RILPL1: variants seen among roughly 807,000 people sequenced by gnomAD.
RILPL1 encodes RILP-like protein 1.
RILPL1 carries 33 observed loss-of-function variants against 50.3 expected under a neutral mutation model. The observed-to-expected ratio is 0.66, with a 90% CI of 0.50 to 0.88. The LOEUF (loss-of-function observed/expected upper bound fraction) is 0.88, where lower values mean the gene tolerates loss of function less well. Among genes scored for constraint, RILPL1 ranks in the 40% least tolerant of loss-of-function variants. RILPL1 has a pLI of 0.00. For synonymous variants in RILPL1, 205 were observed against 228.6 expected, an observed-to-expected ratio of 0.90 and a Z score of 0.93; for missense variants, 418 against 542.5, an observed-to-expected ratio of 0.77 and a Z score of 2.28.
intron 5 of RILPL1, 25 bp from the exon 6 acceptor site, chr12:123,484,297 A>G (rs751682338): frequency 6.8e-7 from 1 of 1,470,666 alleles, no homozygotes; most frequent in Non-Finnish European, 9.5e-7. Context: ...GAGGCGTGAG[A>G]TAAAAGAGTC....
chr12:123,492,426 G>C, intron 4 of RILPL1, among the ~76,000 whole-genome samples: 2 of 152,276 alleles, frequency 1.3e-5, no homozygotes, highest in Admixed American at 1.3e-4. Flanking sequence ...AGGGGCTGGG[G>C]AAGGGAGGAG....
chr12:123,533,050 C>T lies in RILPL1; in HGVS notation c.309+124G>A, dbSNP rs1322904719. On this transcript the variant is annotated intron_variant, in intron 1 of 6. Transcript: ENST00000376874. This position sits in a 1 kb window ranked among gnomAD's most constrained non-coding sequence, Gnocchi z 6.2. ...CCAGGGCCTCCCTCCCTCCCCACGT[C>T]GGGTCTCCTCTGGTCCGGTCCCTGA... 23 of 1,048,372 alleles carry T rather than the reference C, an allele frequency of 2.2e-5. No individual in the cohort carries two copies. The highest frequency in any genetic ancestry group is 3.4e-5 in the South Asian group (2 of 58,490). The allele number at this position is 1,048,372 out of a possible 1,614,324, so 64.9% of individuals were successfully genotyped here.
Position 123,485,052 on chromosome 12 carries a change from T to G in RILPL1, c.974+581A>C. ...TTTATGCATCTCTTATCTTCCCCAC[T>G]GGAGCAGGGACCACCTCTGGTGCAT... On this transcript the variant is annotated intron_variant, in intron 5 of 6. Coordinates refer to ENST00000376874, the MANE Select transcript of RILPL1 (RefSeq NM_178314.5). The surrounding 1 kb of genome is among the most constrained non-coding windows in gnomAD (Gnocchi z 4.0). 1 of 435,214 alleles carries G rather than the reference T, an allele frequency of 2.3e-6. No homozygotes were observed. Among genetic ancestry groups the G allele is most frequent in the East Asian group, 7.2e-5 (1 of 13,934 alleles). 27.0% of individuals were successfully genotyped at this position (435,214 alleles called of 1,614,324 possible).
intron 6 of RILPL1, among the ~76,000 whole-genome samples, chr12:123,479,400 C>G (rs1374872706): frequency 6.6e-6 from 1 of 152,062 alleles, no homozygotes; most frequent in African/African-American, 2.4e-5. Context: ...CTGAGCAGAC[C>G]GCATGGCTAA....
chr12:123,511,769 T>TTG (rs1245413492), intron 2 of RILPL1, among the ~76,000 whole-genome samples: 1 of 73,774 alleles, frequency 1.4e-5, no homozygotes, highest in South Asian at 5.1e-4. Context: ...TGTGTGAGGT[T>TTG]TGTGTGTGTG....
rs192872068 is a variant in RILPL1, at chr12:123,491,518, C to T, written c.802-5713G>A. 7.2e-5 allele frequency among the ~76,000 whole-genome samples: 11 copies of T among 152,188 alleles called. No individual in the cohort carries two copies. The highest frequency in any genetic ancestry group is 2.7e-4 in the African/African-American group (11 of 41,456). On this transcript the variant is annotated intron_variant, in intron 4 of 6. Transcript: ENST00000376874. This position sits in a 1 kb window ranked among gnomAD's most constrained non-coding sequence, Gnocchi z 4.0. ...CTCAAAGCACCCTGCCCTCCCACGG[C>T]AGCCCCTTCACAGTACTTCTCAGCA...
Position 123,533,307 on chromosome 12 carries a change from C to T in RILPL1, c.176G>A (p.Arg59His), listed in dbSNP as rs917278354. 6 of 1,583,524 alleles carry T rather than the reference C, an allele frequency of 3.8e-6. No individual in the cohort carries two copies. In the African/African-American group the frequency reaches 4.0e-5, roughly 11 times the overall value. The change falls in exon 1 of 7, where the codon CGC (arginine) becomes CAC (histidine). Residue 59 changes from arginine (R) to histidine (H), a missense_variant. Coordinates refer to ENST00000376874, the MANE Select transcript of RILPL1 (RefSeq NM_178314.5). This position sits in a 1 kb window ranked among gnomAD's most constrained non-coding sequence, Gnocchi z 6.2. ...CAGCACCTCCAGGATCTCCAGGACG[C>T]GCACGACCTTGGGCATGAGGCGCGC... ...AIARLMPKVV[R>H]VLEILEVLVS... is the part of the protein sequence containing the mutation.
chr12:123,519,115 G>T (rs1255844906), intron 2 of RILPL1, among the ~76,000 whole-genome samples: 2 of 147,222 alleles, frequency 1.4e-5, no homozygotes, highest in African/African-American at 5.0e-5. Context: ...TTACTTTTTT[G>T]AATGTGCCAA....
intron 2 of RILPL1, among the ~76,000 whole-genome samples, chr12:123,512,208 C>G (rs1301420891): frequency 1.4e-3 from 80 of 56,028 alleles, no homozygotes; most frequent in Middle Eastern, 0.018. Context: ...TGTGGTGTGT[C>G]TGAGGTCTGT....
At chr12:123,531,012 A>G (rs1208822310) in intron 1 of RILPL1, among the ~76,000 whole-genome samples, 2 of 98,236 alleles carry the variant, frequency 2.0e-5, no homozygotes, top group Non-Finnish European at 4.8e-5. Flanking sequence ...GTAGGGAAGA[A>G]GAGGGGAAAG....
chr12:123,509,950 A>C (rs1883982850), intron 2 of RILPL1, among the ~76,000 whole-genome samples: 1 of 152,238 alleles, frequency 6.6e-6, no homozygotes, highest in African/African-American at 2.4e-5. Context: ...GAGGACAGCC[A>C]GTCCCTGGAG....
chr12:123,523,465 C>A, intron 2 of RILPL1, 30 bp downstream of exon 2: 2 of 1,613,230 alleles, frequency 1.2e-6, no homozygotes, highest in South Asian at 2.2e-5. Flanking sequence ...AATGGCCGGC[C>A]CCCTTGCATT....
intron 1 of RILPL1, among the ~76,000 whole-genome samples, chr12:123,531,248 G>A (rs1199111100): frequency 6.6e-6 from 1 of 152,100 alleles, no homozygotes; most frequent in Non-Finnish European, 1.5e-5. Context: ...AACAAGCCCT[G>A]GCCCTGAGCG....
rs760006814 is a variant in RILPL1, at chr12:123,533,522, G to A, written c.-40C>T. ...CCTGTCCCCCGCCCCGCAAACTCGT[G>A]CAACTCCCAAACTTGCCGCTGTCGA... On this transcript the variant is annotated 5_prime_UTR_variant, in exon 1 of 7. Coordinates refer to ENST00000376874, the MANE Select transcript of RILPL1 (RefSeq NM_178314.5). The surrounding 1 kb of genome is among the most constrained non-coding windows in gnomAD (Gnocchi z 6.2). The A allele has an allele frequency of 2.1e-6, 3 of 1,449,652 alleles. No homozygotes were observed. Among genetic ancestry groups the A allele is most frequent in the Non-Finnish European group, 2.7e-6 (3 of 1,094,356 alleles). 89.8% of individuals were successfully genotyped at this position (1,449,652 alleles called of 1,614,324 possible).
chr12:123,517,475 C>A (rs1884774275), intron 2 of RILPL1, among the ~76,000 whole-genome samples: 1 of 149,786 alleles, frequency 6.7e-6, no homozygotes, highest in African/African-American at 2.5e-5. Flanking sequence ...GGCTGGAGCG[C>A]AGCGGTGGCA....
In RILPL1 at chr12:123,533,315, C is replaced by G. The variant is rs1248690019; in HGVS notation, c.168G>C (p.Lys56Asn). The change falls in exon 1 of 7, where the codon AAG (lysine) becomes AAC (asparagine). Residue 56 changes from lysine to asparagine, a missense_variant. By Grantham distance (94) the Lys-to-Asn change is moderately conservative. Coordinates refer to ENST00000376874, the MANE Select transcript of RILPL1 (RefSeq NM_178314.5). This position sits in a 1 kb window ranked among gnomAD's most constrained non-coding sequence, Gnocchi z 6.2. ...GCEAIARLMP[K>N]VVRVLEILEV... ...CCAGGATCTCCAGGACGCGCACGACCTTGGGCATGAGGCGCGCGATGGCCT... is the reference window on the plus strand; with the variant it reads ...CCAGGATCTCCAGGACGCGCACGACGTTGGGCATGAGGCGCGCGATGGCCT... 43 of 1,584,180 alleles carry G rather than the reference C, an allele frequency of 2.7e-5. No individual in the cohort carries two copies. Among genetic ancestry groups the G allele is most frequent in the Non-Finnish European group, 3.7e-5 (43 of 1,168,906 alleles).
chr12:123,498,798 G>C lies in RILPL1; in HGVS notation c.580-33C>G. 2 of 1,595,864 alleles carry C rather than the reference G, an allele frequency of 1.3e-6. No homozygotes were observed. Among genetic ancestry groups the C allele is most frequent in the Non-Finnish European group, 1.7e-6 (2 of 1,169,446 alleles). Reference sequence around the variant, plus strand: ...AAAAGGGAGACCATTGTGCGGGGCTGCCACCTGCGGTAGCTCAGGTTGTAC... The same window carrying C: ...AAAAGGGAGACCATTGTGCGGGGCTCCCACCTGCGGTAGCTCAGGTTGTAC... On this transcript the variant is annotated intron_variant, in intron 3 of 6. Coordinates refer to ENST00000376874, the MANE Select transcript of RILPL1 (RefSeq NM_178314.5). This position sits in a 1 kb window ranked among gnomAD's most constrained non-coding sequence, Gnocchi z 4.3.
chr12:123,511,430 CTGTG>C (rs1303398176), intron 2 of RILPL1, among the ~76,000 whole-genome samples: 1 of 44,464 alleles, frequency 2.2e-5, no homozygotes, highest in Non-Finnish European at 3.8e-5. Flanking sequence ...TGTGAGGTCT[CTGTG>C]TGTGTGGTCT....
chr12:123,481,186 G>A (rs570165689), intron 6 of RILPL1, among the ~76,000 whole-genome samples: 6 of 152,086 alleles, frequency 3.9e-5, no homozygotes, highest in Admixed American at 1.3e-4. Context: ...GTGAAACTCC[G>A]TCTCTACTAA....
Sources: gnomAD v4.1 joint callset for allele counts (sites outside exome capture counted in the v4.1 genomes callset) on GRCh38, gnomAD v4.1.1 for gene constraint, Gnocchi (gnomAD v3.1) non-coding constraint, MANE v1.5 for transcripts, NCBI Gene and HGNC (gene_info 2026-07-23, HGNC 2026-07-21) for gene names.